CHST11: variants seen among roughly 807,000 people sequenced by gnomAD.
The protein encoded by CHST11 is C4S-1.
A neutral mutation model predicts 30.4 loss-of-function variants in CHST11; 9 were observed. The observed-to-expected ratio is 0.30, with a 90% confidence interval of 0.18 to 0.52. CHST11 has a LOEUF of 0.52. CHST11 is among the 20% of genes least tolerant of loss of function. The pLI is 0.97. For synonymous variants in CHST11, 152 were observed against 187.8 expected (o/e 0.81, Z 1.56); for missense variants, 348 against 460.6 (o/e 0.76, Z 2.24).
At chr12:104,628,181 C>T (rs568059357) in intron 2 of CHST11, among the ~76,000 whole-genome samples, 8 of 152,270 alleles carry the variant, frequency 5.3e-5, no homozygotes, top group East Asian at 1.9e-4. Context: ...CCCCGACATT[C>T]GCCATTAAAC....
At chr12:104,520,201 C>G (rs1306867358) in intron 1 of CHST11, among the ~76,000 whole-genome samples, 1 of 152,224 alleles carries the variant, frequency 6.6e-6, no homozygotes, top group African/African-American at 2.4e-5. Context: ...TCAGGACAGT[C>G]TCTGAACTAC....
At chr12:104,462,964 G>A (rs894613342) in intron 1 of CHST11, among the ~76,000 whole-genome samples, 26 of 152,154 alleles carry the variant, frequency 1.7e-4, no homozygotes, top group African/African-American at 6.0e-4. Context: ...GGGTGATCAG[G>A]CACCACAGAA....
intron 2 of CHST11, among the ~76,000 whole-genome samples, chr12:104,616,496 C>G (rs1592795908): frequency 2.0e-5 from 3 of 150,192 alleles, no homozygotes; most frequent in African/African-American, 7.4e-5. Context: ...GACGGAGTCT[C>G]ACTCTGTCGC....
intron 1 of CHST11, among the ~76,000 whole-genome samples, chr12:104,541,811 C>T (rs534611117): frequency 6.6e-6 from 1 of 152,090 alleles, no homozygotes; most frequent in Non-Finnish European, 1.5e-5. Context: ...GCCTGTAATC[C>T]CAGATACTCG....
At chr12:104,468,413 C>T (rs1227821410) in intron 1 of CHST11, among the ~76,000 whole-genome samples, 1 of 152,142 alleles carries the variant, frequency 6.6e-6, no homozygotes. Context: ...AAGCATAGAG[C>T]ATTATCACTT....
chr12:104,482,801 C>T (rs1045083766), intron 1 of CHST11, among the ~76,000 whole-genome samples: 1 of 152,088 alleles, frequency 6.6e-6, no homozygotes, highest in African/African-American at 2.4e-5. Context: ...CCAACTCACT[C>T]CAGAGTCTGT....
intron 1 of CHST11, among the ~76,000 whole-genome samples, chr12:104,515,505 TTTCATTCA>T (rs111866030): frequency 2.0e-5 from 3 of 152,172 alleles, no homozygotes; most frequent in Admixed American, 6.5e-5. Context: ...TAGTTTGTTT[TTTCATTCA>T]TTCATTCATT....
intron 1 of CHST11, among the ~76,000 whole-genome samples, chr12:104,491,280 A>G (rs2037742804): frequency 6.6e-6 from 1 of 152,106 alleles, no homozygotes; most frequent in Non-Finnish European, 1.5e-5. Context: ...TTTGATCTGG[A>G]GTTTTCTGAG....
chr12:104,506,496 G>A (rs558934061), intron 1 of CHST11, among the ~76,000 whole-genome samples: 4 of 152,326 alleles, frequency 2.6e-5, no homozygotes, highest in African/African-American at 9.6e-5. Context: ...GTTTTCAAAT[G>A]TTGGAGTGGG....
intron 2 of CHST11, among the ~76,000 whole-genome samples, chr12:104,734,076 C>G (rs1219961587): frequency 1.3e-5 from 2 of 152,234 alleles, no homozygotes; most frequent in East Asian, 1.9e-4. Flanking sequence ...CAGGGCTTCC[C>G]CTGCCAGGAG....
Position 104,607,222 on chromosome 12 carries a change from C to T in CHST11, c.204+5231C>T, listed in dbSNP as rs2039014223. ...CTGAGAATTCTGCCGTGGGATAGAG[C>T]ATCGCATCTTGGTGACATTTGGAAG... On this transcript the variant is annotated intron_variant, in intron 2 of 2. Transcript: ENST00000303694. 3.9e-5 allele frequency among the ~76,000 whole-genome samples: 6 copies of T among 152,260 alleles called. No individual in the cohort carries two copies. The South Asian group carries it at 1.2e-3, about 32-fold the overall frequency.
intron 2 of CHST11, among the ~76,000 whole-genome samples, chr12:104,742,781 C>T (rs968721888): frequency 9.9e-5 from 15 of 152,240 alleles, no homozygotes; most frequent in Non-Finnish European, 1.5e-4. Flanking sequence ...CGCCCTCCCC[C>T]TCCAGCGTGA....
rs767399314 is a variant in CHST11 at position 104,601,944 on chromosome 12, C to T, written c.157C>T (p.Arg53Trp). 5.0e-6 allele frequency: 8 copies of T among 1,613,916 alleles called. No individual in the cohort carries two copies. The highest frequency in any genetic ancestry group is 1.7e-6 in the Non-Finnish European group (2 of 1,180,014). ...RNPFGVDICC[R>W]KGSRSPLQEL... ...TCCCTTTGGTGTGGACATCTGCTGCCGGAAGGGGTCCCGAAGCCCCCTGCA... is the reference window on the plus strand; with the variant it reads ...TCCCTTTGGTGTGGACATCTGCTGCTGGAAGGGGTCCCGAAGCCCCCTGCA... The change falls in exon 2 of 3, where the codon CGG becomes TGG. Residue 53 changes from arginine (R) to tryptophan (W), a missense_variant. Arg to Trp is a moderately radical substitution (Grantham distance 101, BLOSUM62 -3). This residue lies in a region of CHST11 where 135 missense variants were observed against 155.8 expected (regional missense o/e 0.87). Coordinates refer to ENST00000303694, the MANE Select transcript of CHST11 (RefSeq NM_018413.6).
intron 1 of CHST11, among the ~76,000 whole-genome samples, chr12:104,587,782 T>C (rs2038819046): frequency 6.6e-6 from 1 of 151,160 alleles, no homozygotes; most frequent in South Asian, 2.1e-4. Flanking sequence ...TATTTATTTA[T>C]TTATTTATTT....
intron 1 of CHST11, among the ~76,000 whole-genome samples, chr12:104,570,182 G>A (rs2038610112): frequency 6.6e-6 from 1 of 151,980 alleles, no homozygotes; most frequent in Admixed American, 6.6e-5. Flanking sequence ...ACTCCTAAAG[G>A]GTTCTGTTTC....
At chr12:104,701,548 C>A (rs1381683457) in intron 2 of CHST11, among the ~76,000 whole-genome samples, 1 of 152,020 alleles carries the variant, frequency 6.6e-6, no homozygotes, top group Non-Finnish European at 1.5e-5. Flanking sequence ...TACAGAGCTC[C>A]CTGTCACTGC....
chr12:104,462,980 G>A (rs1306048922), intron 1 of CHST11, among the ~76,000 whole-genome samples: 1 of 152,172 alleles, frequency 6.6e-6, no homozygotes, highest in African/African-American at 2.4e-5. Context: ...CAGAAAGGGT[G>A]GTTTGGGGGT....
chr12:104,761,470 C>CAA lies in CHST11; in HGVS notation c.*3668_*3669insAA, dbSNP rs2040525087. The CAA allele has an allele frequency of 1.8e-5, 1 of 54,608 alleles. No homozygotes were observed. Among genetic ancestry groups the CAA allele is most frequent in the Admixed American group, 1.7e-4 (1 of 5,830 alleles). 3.4% of individuals were successfully genotyped at this position (54,608 alleles called of 1,614,324 possible). On this transcript the variant is annotated 3_prime_UTR_variant, in exon 3 of 3. Coordinates refer to ENST00000303694, the MANE Select transcript of CHST11 (RefSeq NM_018413.6). Reference sequence around the variant, plus strand: ...TTCCTAGCCAGTCCTCCCCTACACACACACACACACACACACACACACACA... The same window carrying CAA: ...TTCCTAGCCAGTCCTCCCCTACACACAAACACACACACACACACACACACACA...
At chr12:104,584,002 C>A (rs1473822690) in intron 1 of CHST11, among the ~76,000 whole-genome samples, 1 of 152,136 alleles carries the variant, frequency 6.6e-6, no homozygotes, top group Non-Finnish European at 1.5e-5. Flanking sequence ...CGTGAGCCAC[C>A]GCACCCCGTC....
Sources: allele counts gnomAD v4.1 joint callset (sites outside exome capture counted in the v4.1 genomes callset), GRCh38; gene constraint gnomAD v4.1.1; regional missense constraint gnomAD v4.1.1; transcripts MANE v1.5; gene names NCBI Gene and HGNC (gene_info 2026-07-23, HGNC 2026-07-21).